The following AVL9 variants were observed in gnomAD, a reference collection of about 807,000 sequenced individuals.
The protein encoded by AVL9 is late secretory pathway protein AVL9 homolog.
In AVL9, 49 loss-of-function variants were observed where a neutral mutation model predicts 79.2. The observed-to-expected ratio is 0.62, with a 90% CI of 0.49 to 0.79. The LOEUF is 0.79. Ranked by LOEUF, AVL9 falls within the 30% of genes least tolerant of loss-of-function variation. AVL9 has a pLI of 0.00. For synonymous variants in AVL9, 299 were observed against 280.6 expected (o/e 1.07, Z -0.65); for missense variants, 682 against 776.8 (o/e 0.88, Z 1.45).
chr7:32,525,364 T>G (rs2128125899), intron 1 of AVL9, among the ~76,000 whole-genome samples: 1 of 152,122 alleles, frequency 6.6e-6, no homozygotes, highest in African/African-American at 2.4e-5. Flanking sequence ...TAGCATATTT[T>G]TAGGTAAAGT....
chr7:32,580,754 T>A, intron 14 of AVL9, 48 bp from the exon 15 acceptor site: 1 of 1,423,156 alleles, frequency 7.0e-7, no homozygotes, highest in Non-Finnish European at 9.9e-7. Context: ...TGTGTGAGAT[T>A]TTTTTAAAAT....
At chr7:32,497,367 G>A (rs1455267223) in intron 1 of AVL9, among the ~76,000 whole-genome samples, 1 of 152,162 alleles carries the variant, frequency 6.6e-6, no homozygotes, top group African/African-American at 2.4e-5. Context: ...TGGAAAGTGT[G>A]TGTTACATGC....
intron 1 of AVL9, among the ~76,000 whole-genome samples, chr7:32,497,290 G>A (rs532523280): frequency 6.6e-6 from 1 of 152,350 alleles, no homozygotes; most frequent in East Asian, 1.9e-4. Context: ...GGGAGGCAGA[G>A]GTTGCTGTGA....
chr7:32,557,037 A>G (rs1790093231), intron 8 of AVL9, among the ~76,000 whole-genome samples: 2 of 152,302 alleles, frequency 1.3e-5, no homozygotes, highest in South Asian at 4.1e-4. Context: ...CTAAATAAAT[A>G]CTTCAGGATA....
intron 1 of AVL9, among the ~76,000 whole-genome samples, chr7:32,508,455 T>G (rs1378718378): frequency 6.6e-6 from 1 of 152,220 alleles, no homozygotes; most frequent in Non-Finnish European, 1.5e-5. Flanking sequence ...TCACTCCAAA[T>G]TAGTATTTCA....
intron 1 of AVL9, among the ~76,000 whole-genome samples, chr7:32,503,357 GAGAGATAT>G (rs1562749491): frequency 2.1e-4 from 19 of 89,404 alleles, no homozygotes; most frequent in East Asian, 2.9e-4. Flanking sequence ...TATAGATATA[GAGAGATAT>G]ATATATATAC....
intron 13 of AVL9, among the ~76,000 whole-genome samples, chr7:32,579,446 A>ATATATAATAT: frequency 3.0e-4 from 1 of 3,356 alleles, no homozygotes; most frequent in South Asian, 5.9e-3. Context: ...ATTATATATA[A>ATATATAATAT]TATATTATAT....
At chr7:32,527,360 G>T (rs765197560) in intron 1 of AVL9, among the ~76,000 whole-genome samples, 4 of 152,172 alleles carry the variant, frequency 2.6e-5, no homozygotes, top group Non-Finnish European at 5.9e-5. Context: ...AATACCCTCA[G>T]TTATGAGAAG....
intron 10 of AVL9, chr7:32,560,087 C>G (rs950886042): frequency 6.6e-6 from 1 of 151,982 alleles, no homozygotes; most frequent in Non-Finnish European, 1.5e-5. Context: ...GTAACTCGCG[C>G]CTGTGGTCCC....
intron 1 of AVL9, chr7:32,537,204 A>G (rs1788950844): frequency 6.6e-6 from 1 of 152,178 alleles, no homozygotes. Flanking sequence ...TCACCTTAGC[A>G]TAAACTCAAG....
intron 1 of AVL9, among the ~76,000 whole-genome samples, chr7:32,508,674 A>G (rs1457196908): frequency 6.6e-6 from 1 of 152,216 alleles, no homozygotes; most frequent in Non-Finnish European, 1.5e-5. Context: ...TGTGAGGTAG[A>G]AATCATTACT....
At chr7:32,545,124 G>A (rs1183258316) in intron 3 of AVL9, among the ~76,000 whole-genome samples, 4 of 151,904 alleles carry the variant, frequency 2.6e-5, no homozygotes, top group Admixed American at 6.6e-5. Flanking sequence ...GAGTGGTAAT[G>A]CTTGTGTGTT....
At chr7:32,545,143 T>A (rs900774666) in intron 3 of AVL9, among the ~76,000 whole-genome samples, 12 of 152,224 alleles carry the variant, frequency 7.9e-5, no homozygotes, top group Admixed American at 4.6e-4. Flanking sequence ...TTTTTTAGTT[T>A]TTTTATTTTT....
intron 13 of AVL9, among the ~76,000 whole-genome samples, chr7:32,579,386 ATAT>A (rs202041519): frequency 0.024 from 300 of 12,724 alleles, 81 homozygotes; most frequent in African/African-American, 0.1. Context: ...GTTATATAAC[ATAT>A]TATATGTTAT....
intron 10 of AVL9, among the ~76,000 whole-genome samples, chr7:32,565,869 G>A (rs1032663600): frequency 1.3e-5 from 2 of 151,980 alleles, no homozygotes; most frequent in African/African-American, 2.4e-5. Context: ...TTAGCTGGGC[G>A]TGGTGGCATA....
chr7:32,535,059 A>G (rs1788834107), intron 1 of AVL9: 1 of 152,238 alleles, frequency 6.6e-6, no homozygotes, highest in Non-Finnish European at 1.5e-5. Context: ...TTCTCTTACA[A>G]AAATACAACT....
At chr7:32,565,977 C>CA (rs70992730) in intron 10 of AVL9, among the ~76,000 whole-genome samples, 98,213 of 139,176 alleles carry the variant, frequency 0.71, 34,958 homozygotes, top group South Asian at 0.83. Context: ...CACTGCACTC[C>CA]AAAAAAAAAA....
At chr7:32,532,195 G>A (rs1788688410) in intron 1 of AVL9, 1 of 152,170 alleles carries the variant, frequency 6.6e-6, no homozygotes, top group Admixed American at 6.5e-5. Context: ...CCAAAGTTAG[G>A]CCATCAAGCT....
At position 32,540,037 on chromosome 7, in the gene AVL9, T is replaced by TA. The variant is rs563396467; in HGVS notation, c.94-3103dup. Reference sequence around the variant, plus strand: ...CCCTTTTGCCAAGTAAGGTAACAAATAGAGTCCGGGGATTAGGATATCTTT... The same window carrying TA: ...CCCTTTTGCCAAGTAAGGTAACAAATAAGAGTCCGGGGATTAGGATATCTTT... On this transcript the variant is annotated intron_variant, in intron 1 of 15. Transcript: ENST00000318709. 2.4e-3 allele frequency among the ~76,000 whole-genome samples: 370 copies of TA among 152,274 alleles called. 2 individuals are homozygous for TA. The highest frequency in any genetic ancestry group is 8.6e-3 in the African/African-American group (359 of 41,536).
Sources: gnomAD v4.1 joint callset for allele counts (sites outside exome capture counted in the v4.1 genomes callset) on GRCh38, gnomAD v4.1.1 for gene constraint, MANE v1.5 for transcripts, NCBI Gene and HGNC (gene_info 2026-07-23, HGNC 2026-07-21) for gene names.